Variants in PCDH19 observed in about 807,000 individuals in gnomAD.
PCDH19 encodes protocadherin 19.
Under a neutral mutation model 46.2 loss-of-function variants are expected in PCDH19, and 6 were observed. The observed-to-expected ratio is 0.13, with a 90% CI of 0.07 to 0.26. The LOEUF is 0.26. Ranked by LOEUF, PCDH19 falls within the 10% of genes least tolerant of loss-of-function variation. The pLI, the probability that PCDH19 is intolerant of heterozygous loss-of-function variation, is 1.00. For synonymous variants in PCDH19, 481 were observed against 415.7 expected (o/e 1.16, Z -1.91); for missense variants, 740 against 972.3 (o/e 0.76, Z 3.18).
chrX:100,301,655 C>T (rs1924785794), intron 5 of PCDH19, among the ~76,000 whole-genome samples: 1 of 110,967 alleles, frequency 9.0e-6, no homozygotes, highest in African/African-American at 3.3e-5. Context: ...CAAAGCAGGG[C>T]CATTTTTTGT....
intron 3 of PCDH19, among the ~76,000 whole-genome samples, chrX:100,366,377 G>A (rs1389356847): frequency 9.0e-6 from 1 of 111,331 alleles, no homozygotes; most frequent in African/African-American, 3.3e-5. Context: ...CCTGGTGAAG[G>A]GAGCATTTTT....
intron 3 of PCDH19, among the ~76,000 whole-genome samples, chrX:100,397,636 G>A (rs1928063109): frequency 8.9e-6 from 1 of 111,888 alleles, no homozygotes; most frequent in African/African-American, 3.3e-5. Context: ...CTGGGTGTTT[G>A]GGCCATTTCA....
chrX:100,300,913 CAAAAA>C (rs373692507), intron 5 of PCDH19, among the ~76,000 whole-genome samples: 1 of 83,324 alleles, frequency 1.2e-5, no homozygotes, highest in African/African-American at 4.6e-5. Flanking sequence ...AACCCCTGGC[CAAAAA>C]AAAAAAAAAA....
intron 5 of PCDH19, 22 bp from the exon 6 acceptor site, chrX:100,296,897 T>C: frequency 8.8e-7 from 1 of 1,141,685 alleles, no homozygotes; most frequent in Non-Finnish European, 1.2e-6. Context: ...AAAGAAAATA[T>C]CAATTTCATC....
intron 3 of PCDH19, among the ~76,000 whole-genome samples, chrX:100,401,857 A>G (rs1928194443): frequency 9.0e-6 from 1 of 111,173 alleles, no homozygotes; most frequent in Non-Finnish European, 1.9e-5. Flanking sequence ...CGGCCTCTCA[A>G]AGTACTGGGA....
intron 3 of PCDH19, among the ~76,000 whole-genome samples, chrX:100,373,035 A>C (rs1415241985): frequency 8.9e-6 from 1 of 112,136 alleles, no homozygotes; most frequent in Non-Finnish European, 1.9e-5. Context: ...GTTTTGATGG[A>C]GTCTTGCTCT....
At chrX:100,405,247 G>A (rs1928308989) in intron 1 of PCDH19, among the ~76,000 whole-genome samples, 1 of 112,281 alleles carries the variant, frequency 8.9e-6, no homozygotes, top group Non-Finnish European at 1.9e-5. Flanking sequence ...TGGCACAAAA[G>A]ACACACTGAT....
chrX:100,296,129 G>T lies in PCDH19; in HGVS notation c.*148C>A. 1 of 527,895 alleles carries T rather than the reference G, an allele frequency of 1.9e-6. No homozygotes were observed. The highest frequency in any genetic ancestry group is 3.3e-6 in the Non-Finnish European group (1 of 303,900). 43.5% of individuals were successfully genotyped at this position (527,895 alleles called of 1,213,427 possible). ...CCTGTTGAAACAAGGGACTGTCACA[G>T]AATGATAATCACCTATAAACAATAC... is the stretch of plus-strand genomic sequence containing the variant. On this transcript the variant is annotated 3_prime_UTR_variant, in exon 6 of 6. Transcript: ENST00000373034.
At chrX:100,347,284 G>A (rs1289157338) in intron 4 of PCDH19, among the ~76,000 whole-genome samples, 2 of 110,905 alleles carry the variant, frequency 1.8e-5, no homozygotes, top group Non-Finnish European at 3.8e-5. Context: ...GTGATATCAG[G>A]ATATTGATTG....
intron 3 of PCDH19, among the ~76,000 whole-genome samples, chrX:100,389,369 CG>C (rs1243292106): frequency 1.0e-5 from 1 of 97,193 alleles, no homozygotes; most frequent in African/African-American, 4.1e-5. Flanking sequence ...GAGAACAGAA[CG>C]GTGGTTGCCA....
rs1569294528 is a variant in PCDH19, at chrX:100,333,149, GGAA to G, written c.2848+8751_2848+8753del. ...AGGAAGGAAGGAAGGAAGGAAGGAA[GGAA>G]GGAAGGAAGGAAGGAAGGAAGGGAG... On this transcript the variant is annotated intron_variant, in intron 5 of 5. Coordinates refer to ENST00000373034, the MANE Select transcript of PCDH19 (RefSeq NM_001184880.2). Among the ~76,000 whole-genome samples the G allele has an allele frequency of 1.1e-3, 56 of 50,863 alleles. 1 individual carries two copies. Among genetic ancestry groups the G allele is most frequent in the African/African-American group, 2.3e-3 (36 of 15,665 alleles). The allele number at this position is 50,863 out of a possible 115,157, so 44.2% of individuals were successfully genotyped here.
At chrX:100,325,369 C>CTTTTTT (rs72174481) in intron 5 of PCDH19, among the ~76,000 whole-genome samples, 1 of 81,412 alleles carries the variant, frequency 1.2e-5, no homozygotes, top group Non-Finnish European at 2.3e-5. Flanking sequence ...CTATAATGAT[C>CTTTTTT]TTTTTTTTTT....
Position 100,341,991 on chromosome X carries a change from A to G in PCDH19, c.2760T>C (p.Asp920=). ...EESDQTDSEH[D]VQRSLYCDTA... is the part of the protein sequence containing the mutation. ...TATCACAATACAGGCTCCGCTGGAC[A>G]TCATGCTCACTGTCAGTTTGGTCAC... Residue 920 remains aspartate, a synonymous_variant, in exon 5 of 6, where the codon GAT becomes GAC. Coordinates refer to ENST00000373034, the MANE Select transcript of PCDH19 (RefSeq NM_001184880.2). The G allele has an allele frequency of 8.3e-7, 1 of 1,209,067 alleles. No homozygotes were observed. Among genetic ancestry groups the G allele is most frequent in the Non-Finnish European group, 1.1e-6 (1 of 892,924 alleles).
intron 1 of PCDH19, 47 bp downstream of exon 1, chrX:100,406,403 TA>T: frequency 2.0e-6 from 2 of 989,877 alleles, no homozygotes; most frequent in Non-Finnish European, 1.4e-6. Context: ...GAGACACAGA[TA>T]AACACACCTT....
Position 100,333,203 on chromosome X carries a change from A to G in PCDH19, c.2848+8700T>C, listed in dbSNP as rs545166239. Reference sequence around the variant, plus strand: ...AGAGAGAGAAAGAAAGAAAGAAAGAAAGAAAGAAAGAAAGAAAGAAAGAAA... The same window carrying G: ...AGAGAGAGAAAGAAAGAAAGAAAGAGAGAAAGAAAGAAAGAAAGAAAGAAA... On this transcript the variant is annotated intron_variant, in intron 5 of 5. Transcript: ENST00000373034. Among the ~76,000 whole-genome samples, 395 of 79,605 alleles carry G rather than the reference A, an allele frequency of 5.0e-3. 4 individuals carry two copies. Among genetic ancestry groups the G allele is most frequent in the African/African-American group, 9.3e-3 (208 of 22,440 alleles). The allele number at this position is 79,605 out of a possible 115,157, so 69.1% of individuals were successfully genotyped here.
In PCDH19 at chrX:100,342,115, A is replaced by T. The variant is rs775566719; in HGVS notation, c.2676-40T>A. ...GAATGATAATTTACGACCGTGACAG[A>T]TCTGATTTTAAAAATCTTTCTGAGC... On this transcript the variant is annotated intron_variant, in intron 4 of 5. Coordinates refer to ENST00000373034, the MANE Select transcript of PCDH19 (RefSeq NM_001184880.2). The T allele has an allele frequency of 7.8e-6, 9 of 1,151,557 alleles. No homozygotes were observed. In the East Asian group the frequency reaches 2.4e-4, roughly 30 times the overall value. 94.9% of individuals were successfully genotyped at this position (1,151,557 alleles called of 1,213,427 possible).
chrX:100,345,605 C>G (rs1422484655), intron 4 of PCDH19, among the ~76,000 whole-genome samples: 2 of 111,519 alleles, frequency 1.8e-5, no homozygotes, highest in African/African-American at 6.5e-5. Flanking sequence ...TCATAGGCAT[C>G]TGAATGTTAC....
At chrX:100,338,824 T>C (rs1926173340) in intron 5 of PCDH19, among the ~76,000 whole-genome samples, 1 of 111,895 alleles carries the variant, frequency 8.9e-6, no homozygotes. Context: ...ATATAGTTTA[T>C]ACCTTTACCC....
intron 3 of PCDH19, among the ~76,000 whole-genome samples, chrX:100,365,033 A>G (rs1458794775): frequency 8.9e-6 from 1 of 112,216 alleles, no homozygotes; most frequent in Middle Eastern, 4.2e-3. Context: ...ATGTTTCACA[A>G]TCTAGCACAA....
Sources: allele counts gnomAD v4.1 joint callset (sites outside exome capture counted in the v4.1 genomes callset), GRCh38; gene constraint gnomAD v4.1.1; transcripts MANE v1.5; gene names NCBI Gene and HGNC (gene_info 2026-07-23, HGNC 2026-07-21).